B3GNT3: variants seen among roughly 807,000 people sequenced by gnomAD.
The protein encoded by B3GNT3 is UDP-GlcNAc:betaGal beta-1,3-N-acetylglucosaminyltransferase 3, also known as N-acetyllactosaminide beta-1,3-N-acetylglucosaminyltransferase 3.
A neutral mutation model predicts 11.6 loss-of-function variants in B3GNT3; 7 were observed. The ratio of observed to expected loss-of-function variants is 0.60; its 90% CI spans 0.34 to 1.13. The LOEUF is 1.13. Among genes scored for constraint, B3GNT3 ranks in the 50% most tolerant of loss-of-function variants. B3GNT3 has a pLI of 0.03. For synonymous variants in B3GNT3, 201 were observed against 222.1 expected (o/e 0.90, Z 0.85); for missense variants, 400 against 507.4 (o/e 0.79, Z 2.03).
chr19:17,798,354 T>G lies in B3GNT3; in HGVS notation c.-51+3148T>G, dbSNP rs753203712. Among the ~76,000 whole-genome samples, 3 of 152,094 alleles carry G rather than the reference T, an allele frequency of 2.0e-5. No homozygotes were observed. The East Asian group carries it at 5.8e-4, about 29-fold the overall frequency. On this transcript the variant is annotated intron_variant, in intron 1 of 2. Transcript: ENST00000318683. ...AGAGCAGTCACAACTCTGCAGGTGA[T>G]AAGGGTGGTGGCAGCTGCTATTAAA...
intron 1 of B3GNT3, among the ~76,000 whole-genome samples, chr19:17,803,549 G>A (rs752731662): frequency 1.5e-4 from 23 of 152,298 alleles, no homozygotes; most frequent in Non-Finnish European, 2.4e-4. Context: ...GGCAGCGGGC[G>A]GCCAGGCGAG....
At chr19:17,799,344 C>T (rs948763842) in intron 1 of B3GNT3, among the ~76,000 whole-genome samples, 6 of 150,814 alleles carry the variant, frequency 4.0e-5, no homozygotes, top group Non-Finnish European at 8.8e-5. Flanking sequence ...TCTCGGCTCC[C>T]TGTAACCTCC....
chr19:17,796,938 AC>A (rs755327058), intron 1 of B3GNT3, among the ~76,000 whole-genome samples: 2 of 152,100 alleles, frequency 1.3e-5, no homozygotes, highest in Non-Finnish European at 2.9e-5. Context: ...CCTATTGTGG[AC>A]CCTCTTCCTG....
rs1389515929 is a variant in B3GNT3, at chr19:17,802,883, T to C, written c.-50-4875T>C. ...TTTTTTAATTTTTAGCACAGACAGGTCTCCCTTTTTTGCCCAGGCTGGTCT... is the reference window on the plus strand; with the variant it reads ...TTTTTTAATTTTTAGCACAGACAGGCCTCCCTTTTTTGCCCAGGCTGGTCT... On this transcript the variant is annotated intron_variant, in intron 1 of 2. Transcript: ENST00000318683. Among the ~76,000 whole-genome samples, 3 of 151,722 alleles carry C rather than the reference T, an allele frequency of 2.0e-5. No homozygotes were observed. In the South Asian group the frequency reaches 6.2e-4, roughly 32 times the overall value.
rs1373620615 is a variant in B3GNT3 at position 17,813,186 on chromosome 19, G to A, written c.*1064G>A. ...GTAGAAAATATACACTGGTAAAAAC[G>A]GGGCATGGGGCCGTGGCTCAGGGCT... On this transcript the variant is annotated 3_prime_UTR_variant, in exon 3 of 3. Coordinates refer to ENST00000318683, the MANE Select transcript of B3GNT3 (RefSeq NM_014256.4). The A allele has an allele frequency of 6.6e-6, 1 of 151,904 alleles. No homozygotes were observed. Among genetic ancestry groups the A allele is most frequent in the Non-Finnish European group, 1.5e-5 (1 of 68,004 alleles). 9.4% of individuals were successfully genotyped at this position (151,904 alleles called of 1,614,324 possible).
Position 17,807,960 on chromosome 19 carries a change from T to TCCCG in B3GNT3, c.155_156insCGCC (p.Pro53AlafsTer51). The TCCCG allele has an allele frequency of 4.3e-5, 69 of 1,609,468 alleles. No individual in the cohort carries two copies. Among genetic ancestry groups the TCCCG allele is most frequent in the Non-Finnish European group, 5.5e-5 (65 of 1,178,058 alleles). ...TCCCCGAGGCCCTGGCCTGGCCCAC[T>TCCCG]CCACCCACCCGCCCAGCCCCGGCCC... On this transcript the variant is annotated frameshift_variant, in exon 2 of 3. Transcript: ENST00000318683. LOFTEE classifies it high-confidence loss of function.
chr19:17,809,266 T>C (rs977767585), intron 2 of B3GNT3, among the ~76,000 whole-genome samples: 1 of 152,056 alleles, frequency 6.6e-6, no homozygotes, highest in African/African-American at 2.4e-5. Context: ...CAAGACCTTT[T>C]TGATGGACAA....
intron 1 of B3GNT3, among the ~76,000 whole-genome samples, chr19:17,798,540 G>A (rs1308743881): frequency 2.0e-5 from 3 of 152,026 alleles, no homozygotes; most frequent in Non-Finnish European, 2.9e-5. Flanking sequence ...GCATGGTAAC[G>A]CACACCTGTA....
In B3GNT3 at chr19:17,808,312, A is replaced by G; in HGVS notation, c.505A>G (p.Thr169Ala). 6.2e-7 allele frequency: 1 copy of G among 1,612,726 alleles called. No homozygotes were observed. Among genetic ancestry groups the G allele is most frequent in the Non-Finnish European group, 8.5e-7 (1 of 1,179,618 alleles). The part of the protein sequence containing the change: ...VNRLLELEAQ[T>A]HGDILQWDFH... ...CCGGCTGCTGGAGCTGGAGGCACAG[A>G]CTCACGGAGACATCCTGCAGTGGGA... The change falls in exon 2 of 3, where the codon ACT becomes GCT. Residue 169 changes from threonine (T) to alanine (A), a missense_variant. Transcript: ENST00000318683.
At chr19:17,804,759 T>A (rs2094171025) in intron 1 of B3GNT3, among the ~76,000 whole-genome samples, 1 of 151,988 alleles carries the variant, frequency 6.6e-6, no homozygotes, top group Non-Finnish European at 1.5e-5. Flanking sequence ...GGTTTCACCA[T>A]GTTGGCCAGG....
chr19:17,798,722 C>T (rs1250695704), intron 1 of B3GNT3, among the ~76,000 whole-genome samples: 1 of 151,722 alleles, frequency 6.6e-6, no homozygotes, highest in Non-Finnish European at 1.5e-5. Flanking sequence ...CAACTGTAAT[C>T]CCTGCACTTT....
At chr19:17,799,097 A>G (rs1163902876) in intron 1 of B3GNT3, among the ~76,000 whole-genome samples, 1 of 152,208 alleles carries the variant, frequency 6.6e-6, no homozygotes, top group Non-Finnish European at 1.5e-5. Flanking sequence ...GTATGTAGTC[A>G]AACGGGATTC....
At chr19:17,805,418 G>T (rs2094171932) in intron 1 of B3GNT3, among the ~76,000 whole-genome samples, 1 of 151,974 alleles carries the variant, frequency 6.6e-6, no homozygotes, top group Non-Finnish European at 1.5e-5. Context: ...CTTCTTAAAG[G>T]CATAAATCAA....
chr19:17,802,130 G>A (rs549881744), intron 1 of B3GNT3, among the ~76,000 whole-genome samples: 2 of 151,808 alleles, frequency 1.3e-5, no homozygotes, highest in African/African-American at 4.8e-5. Context: ...GTCTTGCTGT[G>A]TTACCCAGGC....
At chr19:17,800,916 A>C (rs867787039) in intron 1 of B3GNT3, among the ~76,000 whole-genome samples, 1 of 152,142 alleles carries the variant, frequency 6.6e-6, no homozygotes, top group Middle Eastern at 3.4e-3. Flanking sequence ...TCCAGGTTGC[A>C]GTGAGCTGAG....
chr19:17,810,725 C>T (rs568311886), intron 2 of B3GNT3, among the ~76,000 whole-genome samples: 1 of 151,664 alleles, frequency 6.6e-6, no homozygotes, highest in Admixed American at 6.6e-5. Context: ...CTACTAAATA[C>T]AAAAAATTAG....
chr19:17,812,024 C>A lies in B3GNT3; in HGVS notation c.1021C>A (p.Leu341Met). The A allele has an allele frequency of 3.1e-6, 5 of 1,600,090 alleles. No homozygotes were observed. The highest frequency in any genetic ancestry group is 4.2e-6 in the Non-Finnish European group (5 of 1,179,956). Reference protein sequence around the residue: ...SFDPCFYRDLLLVHRFLPYEM... With the variant: ...SFDPCFYRDLMLVHRFLPYEM... Reference sequence around the variant, plus strand: ...TGACCCCTGCTTCTACCGAGACCTGCTGCTGGTGCACCGCTTCCTACCTTA... The same window carrying A: ...TGACCCCTGCTTCTACCGAGACCTGATGCTGGTGCACCGCTTCCTACCTTA... Residue 341 changes from leucine to methionine, a missense_variant, in exon 3 of 3, where the codon CTG becomes ATG. Transcript: ENST00000318683.
chr19:17,799,622 C>T (rs117949447), intron 1 of B3GNT3, among the ~76,000 whole-genome samples: 9,339 of 151,908 alleles, frequency 0.061, 313 homozygotes, highest in Middle Eastern at 0.075. Flanking sequence ...CCCAGCTACT[C>T]GGCCCAGGTC....
intron 1 of B3GNT3, among the ~76,000 whole-genome samples, chr19:17,803,248 T>A (rs1263246374): frequency 6.6e-6 from 1 of 152,128 alleles, no homozygotes; most frequent in Admixed American, 6.6e-5. Flanking sequence ...TCAGGTGATC[T>A]GCCCTCCTTG....
Sources: allele counts gnomAD v4.1 joint callset (sites outside exome capture counted in the v4.1 genomes callset), GRCh38; gene constraint gnomAD v4.1.1; transcripts MANE v1.5; gene names NCBI Gene and HGNC (gene_info 2026-07-23, HGNC 2026-07-21).